DAPP1: variants seen among roughly 807,000 people sequenced by gnomAD.
DAPP1 encodes dual adaptor of phosphotyrosine and 3-phosphoinositides 1.
A neutral mutation model predicts 41.5 loss-of-function variants in DAPP1; 20 were observed. The observed-to-expected ratio is 0.48, with a 90% CI of 0.34 to 0.70. DAPP1 has a LOEUF of 0.70. Ranked by LOEUF, DAPP1 falls within the 30% of genes least tolerant of loss-of-function variation. The probability of loss-of-function intolerance (pLI) is 0.01; values close to 1 mark genes in which losing one functional copy is unlikely to be tolerated. For synonymous variants in DAPP1, 113 were observed against 116.2 expected (o/e 0.97, Z 0.18); for missense variants, 233 against 333.4 (o/e 0.70, Z 2.35).
chr4:99,835,799 G>T lies in DAPP1; in HGVS notation c.224+54G>T. ...AGCATGGGCTCCTCTGTCACTTACT[G>T]ACTTTATCATCACTCAAATTGCCAG... On this transcript the variant is annotated intron_variant, in intron 2 of 8. Transcript: ENST00000512369. The T allele has an allele frequency of 2.5e-6, 4 of 1,588,656 alleles. No homozygotes were observed. In the South Asian group the frequency reaches 4.6e-5, roughly 18 times the overall value.
Position 99,866,166 on chromosome 4 carries a change from A to G in DAPP1, c.774+45A>G, listed in dbSNP as rs1724452051. ...CAGATGTCAAGTCTTGAGAAATAAC[A>G]TGTTGATGATTTCAAACATATTTCT... On this transcript the variant is annotated intron_variant, in intron 8 of 8. Transcript: ENST00000512369. 3.9e-6 allele frequency: 4 copies of G among 1,016,084 alleles called. No homozygotes were observed. In the African/African-American group the frequency reaches 4.7e-5, roughly 12 times the overall value. The allele number at this position is 1,016,084 out of a possible 1,614,324, so 62.9% of individuals were successfully genotyped here.
At chr4:99,817,633 A>T (rs1215199107) in intron 1 of DAPP1, among the ~76,000 whole-genome samples, 2 of 152,156 alleles carry the variant, frequency 1.3e-5, no homozygotes, top group Non-Finnish European at 2.9e-5. Context: ...TCAAACAGGT[A>T]AGCATAGGTA....
At chr4:99,871,555 A>G (rs538347364), downstream of DAPP1, among the ~76,000 whole-genome samples, 1 of 152,316 alleles carries the variant, frequency 6.6e-6, no homozygotes, top group East Asian at 1.9e-4. Flanking sequence ...ACTATCTCAA[A>G]TTGTTGTAAG....
rs745681172 is a variant in DAPP1, at chr4:99,863,721, T to G, written c.601-49T>G. ...TAAGTGAGGGACAGATTTGTCTGTT[T>G]TTTTTTTTTTTTTTAATGGTGACAT... On this transcript the variant is annotated intron_variant, in intron 6 of 8. Coordinates refer to ENST00000512369, the MANE Select transcript of DAPP1 (RefSeq NM_014395.3). 8 of 1,108,184 alleles carry G rather than the reference T, an allele frequency of 7.2e-6. No individual in the cohort carries two copies. The Admixed American group carries it at 1.1e-4, about 16-fold the overall frequency. The allele number at this position is 1,108,184 out of a possible 1,614,324, so 68.6% of individuals were successfully genotyped here.
chr4:99,844,743 A>T (rs1291239693), intron 3 of DAPP1: 2 of 152,206 alleles, frequency 1.3e-5, no homozygotes, highest in Non-Finnish European at 2.9e-5. Context: ...AATTTTAAAG[A>T]TCTCATCTGG....
At chr4:99,834,458 T>C (rs1723227939) in intron 1 of DAPP1, among the ~76,000 whole-genome samples, 1 of 152,232 alleles carries the variant, frequency 6.6e-6, no homozygotes, top group African/African-American at 2.4e-5. Flanking sequence ...TGAATCTCCT[T>C]GAGCATTCCC....
chr4:99,838,190 G>A (rs1337557541), intron 2 of DAPP1, among the ~76,000 whole-genome samples: 1 of 152,034 alleles, frequency 6.6e-6, no homozygotes, highest in African/African-American at 2.4e-5. Context: ...TGAGCAATTA[G>A]ATCATAAGCT....
At chr4:99,828,975 G>A (rs1302641872) in intron 1 of DAPP1, among the ~76,000 whole-genome samples, 1 of 151,992 alleles carries the variant, frequency 6.6e-6, no homozygotes, top group Non-Finnish European at 1.5e-5. Context: ...TGCTTCTTCA[G>A]GGAAAATGAG....
intron 1 of DAPP1, among the ~76,000 whole-genome samples, chr4:99,834,365 G>T (rs967987401): frequency 2.0e-5 from 3 of 151,914 alleles, no homozygotes; most frequent in East Asian, 1.9e-4. Flanking sequence ...AACATGTTTT[G>T]CTATGTCTCC....
chr4:99,817,107 G>C, intron 1 of DAPP1, 93 bp downstream of exon 1: 1 of 902,982 alleles, frequency 1.1e-6, no homozygotes, highest in Non-Finnish European at 1.7e-6. Context: ...TATCTTCAGT[G>C]CCTTGTTGCC....
intron 1 of DAPP1, among the ~76,000 whole-genome samples, chr4:99,828,250 G>A (rs977703573): frequency 3.9e-5 from 6 of 152,176 alleles, no homozygotes; most frequent in Non-Finnish European, 7.3e-5. Flanking sequence ...GGTACAACCC[G>A]TTAGTAGGCT....
Position 99,868,180 on chromosome 4 carries a change from A to G in DAPP1, c.838A>G (p.Lys280Glu), listed in dbSNP as rs1724529860. ...GATCCGATCTCGGTCGTTCATCTTT[A>G]AATAGATCTTTCTTGCCAAGGAATG... ...GTIRSRSFIFK is the reference protein window; with the variant it reads ...GTIRSRSFIFE Residue 280 changes from lysine (K) to glutamate (E), a missense_variant, in exon 9 of 9, where the codon AAA becomes GAA. Transcript: ENST00000512369. The G allele has an allele frequency of 1.2e-6, 2 of 1,613,758 alleles. No homozygotes were observed. Among genetic ancestry groups the G allele is most frequent in the Non-Finnish European group, 1.7e-6 (2 of 1,179,770 alleles).
At chr4:99,841,932 G>T (rs77076231) in intron 3 of DAPP1, among the ~76,000 whole-genome samples, 1,669 of 152,152 alleles carry the variant, frequency 0.011, 39 homozygotes, top group African/African-American at 0.037. Flanking sequence ...TCTTCTCCTA[G>T]ACTCTATTTT....
intron 7 of DAPP1, among the ~76,000 whole-genome samples, chr4:99,864,610 A>G (rs914286965): frequency 2.0e-5 from 3 of 152,192 alleles, no homozygotes; most frequent in South Asian, 2.1e-4. Context: ...TAAAATTTGC[A>G]TAGACATGCC....
chr4:99,866,380 T>A (rs903086454), intron 8 of DAPP1, among the ~76,000 whole-genome samples: 3 of 152,164 alleles, frequency 2.0e-5, no homozygotes, highest in African/African-American at 7.2e-5. Flanking sequence ...CTATCAGACT[T>A]CCTATAAGGT....
intron 5 of DAPP1, among the ~76,000 whole-genome samples, chr4:99,862,161 T>C (rs1009436169): frequency 6.6e-6 from 1 of 152,202 alleles, no homozygotes; most frequent in Admixed American, 6.5e-5. Context: ...GGAATGTGTC[T>C]GCTCCTTCTC....
intron 2 of DAPP1, among the ~76,000 whole-genome samples, chr4:99,837,213 T>C (rs1723332302): frequency 6.6e-6 from 1 of 152,236 alleles, no homozygotes; most frequent in South Asian, 2.1e-4. Flanking sequence ...ATCAACTGAC[T>C]TGGGACTTTA....
intron 1 of DAPP1, among the ~76,000 whole-genome samples, chr4:99,827,309 C>A (rs568646613): frequency 6.6e-6 from 1 of 151,694 alleles, no homozygotes; most frequent in South Asian, 2.1e-4. Context: ...CTGAGGCGGG[C>A]GGATCACGAG....
chr4:99,823,900 G>A (rs116697026), intron 1 of DAPP1, among the ~76,000 whole-genome samples: 4 of 152,240 alleles, frequency 2.6e-5, no homozygotes, highest in South Asian at 2.1e-4. Flanking sequence ...CAAAATAAGC[G>A]ACTCATGTCC....
Sources: gnomAD v4.1 joint callset for allele counts (sites outside exome capture counted in the v4.1 genomes callset) on GRCh38, gnomAD v4.1.1 for gene constraint, MANE v1.5 for transcripts, NCBI Gene and HGNC (gene_info 2026-07-23, HGNC 2026-07-21) for gene names.